Variants in MLLT6 observed in about 807,000 individuals in gnomAD.
MLLT6 encodes MLLT6, PHD finger containing.
MLLT6 carries 22 observed loss-of-function variants against 103.0 expected under a neutral mutation model. The observed-to-expected ratio is 0.21, with a 90% CI of 0.15 to 0.31. MLLT6 has a LOEUF of 0.31. Among genes scored for constraint, MLLT6 ranks in the 10% least tolerant of loss-of-function variants. The probability of loss-of-function intolerance (pLI) is 1.00; values close to 1 mark genes in which losing one functional copy is unlikely to be tolerated. For missense variants in MLLT6, 1,199 were observed against 1,441.7 expected (o/e 0.83, Z 2.73); for synonymous variants, 606 against 623.5 (o/e 0.97, Z 0.42).
chr17:38,705,449 A>C lies in MLLT6; in HGVS notation c.-184A>C. The C allele has an allele frequency of 2.1e-5, 5 of 241,152 alleles. No individual in the cohort carries two copies. The highest frequency in any genetic ancestry group is 8.5e-5 in the East Asian group (1 of 11,792). The allele number at this position is 241,152 out of a possible 1,614,324, so 14.9% of individuals were successfully genotyped here. A position where few individuals can be genotyped will look rare whatever the true frequency, so the allele number is the denominator to read the frequency against. Reference sequence around the variant, plus strand: ...GGGGGGCGGCCAGACAGAGCGAGCGAGGAGGAGGAGGAGGAGGACGCGGAG... The same window carrying C: ...GGGGGGCGGCCAGACAGAGCGAGCGCGGAGGAGGAGGAGGAGGACGCGGAG... On this transcript the variant is annotated 5_prime_UTR_variant, in exon 1 of 20. Coordinates refer to ENST00000621332, the MANE Select transcript of MLLT6 (RefSeq NM_005937.4).
At chr17:38,720,988 A>G (rs1905701463) in intron 16 of MLLT6, 2 of 579,938 alleles carry the variant, frequency 3.4e-6, no homozygotes, top group Non-Finnish European at 6.1e-6. Flanking sequence ...GGCTACCCCA[A>G]GCAAAGAAGG....
Position 38,717,971 on chromosome 17 carries a change from C to T in MLLT6, c.1942+18C>T, listed in dbSNP as rs376893194. On this transcript the variant is annotated intron_variant, in intron 12 of 19. Transcript: ENST00000621332. ...CCACACAGGTATGTGAATATCTGAT[C>T]CCCTCTCCCCTTTCTTCCCAAAGGT... is the stretch of plus-strand genomic sequence containing the variant. 2.6e-6 allele frequency: 4 copies of T among 1,513,436 alleles called. No homozygotes were observed. The highest frequency in any genetic ancestry group is 1.1e-5 in the South Asian group (1 of 88,318). 93.8% of individuals were successfully genotyped at this position (1,513,436 alleles called of 1,614,324 possible).
chr17:38,724,296 T>G lies in MLLT6; in HGVS notation c.2884-324T>G. On this transcript the variant is annotated intron_variant, in intron 18 of 19. Transcript: ENST00000621332. This position sits in a 1 kb window ranked among gnomAD's most constrained non-coding sequence, Gnocchi z 5.4. ...AAGAAAAGAAAACTATTGACCTAGT[T>G]TAGTGTTTTTCAACTTGGGGGCGTC... The G allele has an allele frequency of 3.0e-6, 1 of 338,600 alleles. No homozygotes were observed. Among genetic ancestry groups the G allele is most frequent in the Non-Finnish European group, 5.3e-6 (1 of 187,602 alleles). 21.0% of individuals were successfully genotyped at this position (338,600 alleles called of 1,614,324 possible).
rs769062281 is a variant in MLLT6, at chr17:38,716,900, C to G, written c.1570C>G (p.Leu524Val). 1 of 1,613,770 alleles carries G rather than the reference C, an allele frequency of 6.2e-7. No individual in the cohort carries two copies. The highest frequency in any genetic ancestry group is 8.5e-7 in the Non-Finnish European group (1 of 1,179,890). Residue 524 changes from leucine (L) to valine (V), a missense_variant, in exon 10 of 20, where the codon CTG (leucine) becomes GTG (valine). This residue lies in a region of MLLT6 where 1,034 missense variants were observed against 1,091.5 expected (regional missense o/e 0.95). Transcript: ENST00000621332. This position sits in a 1 kb window ranked among gnomAD's most constrained non-coding sequence, Gnocchi z 5.6. Reference protein sequence around the residue: ...FSGGSLVSSGLGGLSSRTFGP... With the variant: ...FSGGSLVSSGVGGLSSRTFGP... ...TGGAGGTTCCCTGGTCAGCTCCGGC[C>G]TGGGAGGTCTGTCCTCCCGAACCTT... is the stretch of plus-strand genomic sequence containing the variant.
At chr17:38,725,396 G>T in intron 19 of MLLT6, 161 bp from the exon 20 acceptor site, 1 of 645,750 alleles carries the variant, frequency 1.5e-6, no homozygotes, top group Non-Finnish European at 2.7e-6. Flanking sequence ...ACACCCCTGC[G>T]CATCGGCCCT....
At chr17:38,725,412 A>G (rs956289926) in intron 19 of MLLT6, 145 bp from the exon 20 acceptor site, 9 of 718,660 alleles carry the variant, frequency 1.3e-5, no homozygotes, top group Non-Finnish European at 1.9e-5. Context: ...GCCCTGGTGC[A>G]CACCCCTCAG....
rs1905369531 is a variant in MLLT6, at chr17:38,716,840, G to T, written c.1510G>T (p.Ala504Ser). 7 of 1,612,624 alleles carry T rather than the reference G, an allele frequency of 4.3e-6. No individual in the cohort carries two copies. Among genetic ancestry groups the T allele is most frequent in the African/African-American group, 1.3e-5 (1 of 75,036 alleles). The change falls in exon 10 of 20, where the codon GCT becomes TCT. Residue 504 changes from alanine to serine, a missense_variant. Transcript: ENST00000621332. This position sits in a 1 kb window ranked among gnomAD's most constrained non-coding sequence, Gnocchi z 5.6. Reference protein sequence around the residue: ...AAPSLPSAQLAGFTATAASPF... With the variant: ...AAPSLPSAQLSGFTATAASPF... ...CCCATCCTTGCCCAGTGCCCAGCTGGCTGGCTTTACCGCCACTGCTGCCTC... is the reference window on the plus strand; with the variant it reads ...CCCATCCTTGCCCAGTGCCCAGCTGTCTGGCTTTACCGCCACTGCTGCCTC...
Position 38,728,887 on chromosome 17 carries a change from A to G in MLLT6, c.*3289A>G, listed in dbSNP as rs1906175916. ...GTGGATCCTCTCCATGGACAATGAC[A>G]CTTTAAGGATTGTCTTGGTTTGTTT... On this transcript the variant is annotated 3_prime_UTR_variant, in exon 20 of 20. Coordinates refer to ENST00000621332, the MANE Select transcript of MLLT6 (RefSeq NM_005937.4). 4.3e-6 allele frequency: 1 copy of G among 233,766 alleles called. No homozygotes were observed. The highest frequency in any genetic ancestry group is 2.2e-5 in the African/African-American group (1 of 45,322). 14.5% of individuals were successfully genotyped at this position (233,766 alleles called of 1,614,324 possible).
intron 19 of MLLT6, chr17:38,725,215 C>T (rs1237882838): frequency 1.5e-5 from 8 of 532,710 alleles, no homozygotes; most frequent in Admixed American, 1.5e-4. Flanking sequence ...AAACAGCCTT[C>T]CTCCGGGAGG....
chr17:38,716,649 G>T lies in MLLT6; in HGVS notation c.1319G>T (p.Gly440Val), dbSNP rs760295673. ...PHVTGSGASA[G>V]THKRMPALSA... ...GTCACGGGGTCTGGGGCCTCGGCAG[G>T]CACCCACAAACGGATGCCCGCACTG... is the stretch of plus-strand genomic sequence containing the variant. The change falls in exon 10 of 20, where the codon GGC becomes GTC. Residue 440 changes from glycine (G) to valine (V), a missense_variant. By Grantham distance (109) the Gly-to-Val change is moderately radical. Coordinates refer to ENST00000621332, the MANE Select transcript of MLLT6 (RefSeq NM_005937.4). The surrounding 1 kb of genome is among the most constrained non-coding windows in gnomAD (Gnocchi z 5.6). The T allele has an allele frequency of 1.8e-5, 29 of 1,613,492 alleles. No homozygotes were observed. The highest frequency in any genetic ancestry group is 2.5e-5 in the Non-Finnish European group (29 of 1,179,926).
Position 38,716,765 on chromosome 17 carries a change from G to A in MLLT6, c.1435G>A (p.Gly479Ser), listed in dbSNP as rs1272671154. 1 of 1,609,620 alleles carries A rather than the reference G, an allele frequency of 6.2e-7. No individual in the cohort carries two copies. The highest frequency in any genetic ancestry group is 1.7e-5 in the Admixed American group (1 of 59,246). Residue 479 changes from glycine (G) to serine (S), a missense_variant, in exon 10 of 20, where the codon GGC (glycine) becomes AGC (serine). Gly to Ser is a moderately conservative substitution (Grantham distance 56). This residue lies in a region of MLLT6 where 1,034 missense variants were observed against 1,091.5 expected (regional missense o/e 0.95). Transcript: ENST00000621332. This position sits in a 1 kb window ranked among gnomAD's most constrained non-coding sequence, Gnocchi z 5.6. ...KASKRSRHGP[G>S]RPKGSRNKEG... The stretch of plus-strand genomic sequence containing the variant: ...CAGCAAGAGGAGCCGCCATGGGCCA[G>A]GCCGTCCCAAGGGCAGCCGGAACAA...
intron 8 of MLLT6, chr17:38,713,131 C>T (rs745643776): frequency 5.7e-6 from 4 of 704,146 alleles, no homozygotes; most frequent in Non-Finnish European, 1.1e-5. Flanking sequence ...CCCCAGAGAT[C>T]GGTAGAGGAC....
rs999094220 is a variant in MLLT6 at position 38,724,544 on chromosome 17, G to C, written c.2884-76G>C. 2 of 1,175,044 alleles carry C rather than the reference G, an allele frequency of 1.7e-6. No homozygotes were observed. The highest frequency in any genetic ancestry group is 3.1e-5 in the African/African-American group (2 of 64,658). 72.8% of individuals were successfully genotyped at this position (1,175,044 alleles called of 1,614,324 possible). Reference sequence around the variant, plus strand: ...TTCCAGTGTGATGGGGTGGGGCCTGGCCAGGCAGGGCAGGCAGGCAGCAGG... The same window carrying C: ...TTCCAGTGTGATGGGGTGGGGCCTGCCCAGGCAGGGCAGGCAGGCAGCAGG... On this transcript the variant is annotated intron_variant, in intron 18 of 19. Transcript: ENST00000621332. The surrounding 1 kb of genome is among the most constrained non-coding windows in gnomAD (Gnocchi z 5.4).
chr17:38,715,401 C>T (rs988154368), intron 8 of MLLT6: 7 of 675,256 alleles, frequency 1.0e-5, no homozygotes, highest in African/African-American at 9.0e-5. Flanking sequence ...AGTGAATTCC[C>T]CTCTGCCTTA....
In MLLT6 at chr17:38,729,598, G is replaced by A. The variant is rs924772377; in HGVS notation, c.*4000G>A. On this transcript the variant is annotated 3_prime_UTR_variant, in exon 20 of 20. Coordinates refer to ENST00000621332, the MANE Select transcript of MLLT6 (RefSeq NM_005937.4). Reference sequence around the variant, plus strand: ...GGGAAGCCACAGATTGCAAACCCAGGGGCTCCTTTTTCATTCTTTCTAAAA... The same window carrying A: ...GGGAAGCCACAGATTGCAAACCCAGAGGCTCCTTTTTCATTCTTTCTAAAA... The A allele has an allele frequency of 1.3e-5, 3 of 232,156 alleles. No homozygotes were observed. Among genetic ancestry groups the A allele is most frequent in the African/African-American group, 6.6e-5 (3 of 45,146 alleles). 14.4% of individuals were successfully genotyped at this position (232,156 alleles called of 1,614,324 possible). A position where few individuals can be genotyped will look rare whatever the true frequency, so the allele number is the denominator to read the frequency against.
At position 38,712,766 on chromosome 17, in the gene MLLT6, C is replaced by T. The variant is rs371519094; in HGVS notation, c.796C>T (p.Pro266Ser). The change falls in exon 8 of 20, where the codon CCC becomes TCC. Residue 266 changes from proline (P) to serine (S), a missense_variant. By Grantham distance (74) the Pro-to-Ser change is moderately conservative. Coordinates refer to ENST00000621332, the MANE Select transcript of MLLT6 (RefSeq NM_005937.4). ...PESPPSILTP[P>S]VVPTADKVSS... is the part of the protein sequence containing the mutation. ...GTCGCCCCCCAGCATCCTCACCCCG[C>T]CCGTGGTCCCCACTGCTGACAAGGT... 7.4e-6 allele frequency: 12 copies of T among 1,613,452 alleles called. No individual in the cohort carries two copies. The highest frequency in any genetic ancestry group is 4.0e-5 in the African/African-American group (3 of 74,916).
In MLLT6 at chr17:38,724,939, C is replaced by T. The variant is rs572637455; in HGVS notation, c.3203C>T (p.Ser1068Leu). The change falls in exon 19 of 20, where the codon TCG becomes TTG. Residue 1068 changes from serine (S) to leucine (L), a missense_variant. This residue lies in a region of MLLT6 where 55 missense variants were observed against 93.3 expected (regional missense o/e 0.59). Coordinates refer to ENST00000621332, the MANE Select transcript of MLLT6 (RefSeq NM_005937.4). The surrounding 1 kb of genome is among the most constrained non-coding windows in gnomAD (Gnocchi z 5.4). ...CAGACCAACCCCTTCCTCAGCCTGTCGGGAGCAGAGGGCAGTGGCGGTGGC... is the reference window on the plus strand; with the variant it reads ...CAGACCAACCCCTTCCTCAGCCTGTTGGGAGCAGAGGGCAGTGGCGGTGGC... ...TAQTNPFLSLSGAEGSGGGPK... is the reference protein window; with the variant it reads ...TAQTNPFLSLLGAEGSGGGPK... 6.8e-5 allele frequency: 105 copies of T among 1,548,552 alleles called. No individual in the cohort carries two copies. The highest frequency in any genetic ancestry group is 8.8e-5 in the Non-Finnish European group (101 of 1,145,080).
In MLLT6 at chr17:38,705,490, G is replaced by A. The variant is rs1476003472; in HGVS notation, c.-143G>A. ...GGACGCGGAGGAGGAGGAAGGAGGA[G>A]GCAAAGAAAAGAAGCGGCGGCGGCG... On this transcript the variant is annotated 5_prime_UTR_variant, in exon 1 of 20. Coordinates refer to ENST00000621332, the MANE Select transcript of MLLT6 (RefSeq NM_005937.4). The A allele has an allele frequency of 1.5e-5, 7 of 475,970 alleles. No homozygotes were observed. The highest frequency in any genetic ancestry group is 3.9e-5 in the Admixed American group (1 of 25,420). 29.5% of individuals were successfully genotyped at this position (475,970 alleles called of 1,614,324 possible).
Position 38,727,811 on chromosome 17 carries a change from G to A in MLLT6, c.*2213G>A, listed in dbSNP as rs1476017346. The A allele has an allele frequency of 1.3e-5, 3 of 230,856 alleles. No individual in the cohort carries two copies. The highest frequency in any genetic ancestry group is 1.7e-5 in the Non-Finnish European group (2 of 116,754). 14.3% of individuals were successfully genotyped at this position (230,856 alleles called of 1,614,324 possible). ...CTCTGTCTCAAAAGAGAAAAAAAAA[G>A]AAAAGTAACCTTCAGAGATTCTTAG... On this transcript the variant is annotated 3_prime_UTR_variant, in exon 20 of 20. Transcript: ENST00000621332.
Sources: allele counts gnomAD v4.1 joint callset, GRCh38; gene constraint gnomAD v4.1.1; regional missense constraint gnomAD v4.1.1; non-coding constraint Gnocchi (gnomAD v3.1); transcripts MANE v1.5; gene names NCBI Gene and HGNC (gene_info 2026-07-23, HGNC 2026-07-21).